The following NOTCH4 variants were observed in gnomAD, a reference collection of about 807,000 sequenced individuals.
NOTCH4 encodes the protein notch receptor 4, also known as neurogenic locus notch homolog protein 4.
NOTCH4 carries 138 observed loss-of-function variants against 189.0 expected under a neutral mutation model. The ratio of observed to expected loss-of-function variants is 0.73; its 90% confidence interval spans 0.64 to 0.84. NOTCH4 has a LOEUF of 0.84. Ranked by LOEUF, NOTCH4 falls within the 40% of genes least tolerant of loss-of-function variation. The probability of loss-of-function intolerance (pLI) is 0.00; values close to 1 mark genes in which losing one functional copy is unlikely to be tolerated. For missense variants in NOTCH4, 2,286 were observed against 2,605.4 expected (o/e 0.88, Z 2.67); for synonymous variants, 942 against 1,032.8 (o/e 0.91, Z 1.69).
chr6:32,222,276 G>A (rs1789826946), intron 3 of NOTCH4, among the ~76,000 whole-genome samples: 1 of 152,250 alleles, frequency 6.6e-6, no homozygotes, highest in African/African-American at 2.4e-5. Context: ...GGTGCACAAA[G>A]GGGGCTCATG....
rs2127482889 is a variant in NOTCH4, at chr6:32,217,027, G to A, written c.1779C>T (p.Cys593=). 6.2e-7 allele frequency: 1 copy of A among 1,613,076 alleles called. No homozygotes were observed. The highest frequency in any genetic ancestry group is 8.5e-7 in the Non-Finnish European group (1 of 1,180,028). The change falls in exon 11 of 30, where the codon TGC becomes TGT. Residue 593 remains cysteine (C), a synonymous_variant. Transcript: ENST00000375023. The surrounding 1 kb of genome is among the most constrained non-coding windows in gnomAD (Gnocchi z 4.2). ...CTCCAACGGGACATGGGTCACTCAG[G>A]CACTCATCCACCTCTGTTTGACAGC... ...GPRCQTEVDE[C]LSDPCPVGAS...
In NOTCH4 at chr6:32,217,413, A is replaced by C; in HGVS notation, c.1625-147T>G. The C allele has an allele frequency of 1.6e-6, 1 of 620,082 alleles. No individual in the cohort carries two copies. Among genetic ancestry groups the C allele is most frequent in the Non-Finnish European group, 2.9e-6 (1 of 347,728 alleles). 38.4% of individuals were successfully genotyped at this position (620,082 alleles called of 1,614,324 possible). A position where few individuals can be genotyped will look rare whatever the true frequency, so the allele number is the denominator to read the frequency against. On this transcript the variant is annotated intron_variant, in intron 9 of 29. Transcript: ENST00000375023. The surrounding 1 kb of genome is among the most constrained non-coding windows in gnomAD (Gnocchi z 4.2). The stretch of plus-strand genomic sequence containing the variant: ...GGTGAGCGTGGGGTGACAGGAGATG[A>C]TGCAGAAAAGGTGAAGCTCAGCCAC...
Position 32,219,796 on chromosome 6 carries a change from G to A in NOTCH4, c.1316-10C>T. ...CTTGGGCCTTGCTGGGCTGGGAGGAGAGAAGAGCTGGGAGTCCACAGGGGT... is the reference window on the plus strand; with the variant it reads ...CTTGGGCCTTGCTGGGCTGGGAGGAAAGAAGAGCTGGGAGTCCACAGGGGT... On this transcript the variant is annotated splice_polypyrimidine_tract_variant and intron_variant, in intron 7 of 29. Transcript: ENST00000375023. 6.2e-7 allele frequency: 1 copy of A among 1,608,976 alleles called. No individual in the cohort carries two copies. The highest frequency in any genetic ancestry group is 8.5e-7 in the Non-Finnish European group (1 of 1,177,788).
In NOTCH4 at chr6:32,196,393, G is replaced by C; in HGVS notation, c.5229C>G (p.Ala1743=). The C allele has an allele frequency of 1.2e-6, 2 of 1,613,134 alleles. No individual in the cohort carries two copies. The highest frequency in any genetic ancestry group is 8.5e-7 in the Non-Finnish European group (1 of 1,180,042). The change falls in exon 29 of 30, where the codon GCC becomes GCG. Residue 1743 remains alanine, a synonymous_variant. Coordinates refer to ENST00000375023, the MANE Select transcript of NOTCH4 (RefSeq NM_004557.4). ...AGCGGGCGGCTCGGGCGTTGTTCAC[G>C]GCAGCAGCCCAGTGCAGCGCAGTTT... is the stretch of plus-strand genomic sequence containing the variant. The part of the protein sequence containing the change: ...WGKTALHWAA[A]VNNARAARSL...
chr6:32,198,298 A>G lies in NOTCH4; in HGVS notation c.4756+123T>C. On this transcript the variant is annotated intron_variant, in intron 26 of 29. Coordinates refer to ENST00000375023, the MANE Select transcript of NOTCH4 (RefSeq NM_004557.4). The surrounding 1 kb of genome is among the most constrained non-coding windows in gnomAD (Gnocchi z 5.5). Reference sequence around the variant, plus strand: ...GCTGTCTGAGGACCACACTTTGAGAATCATTGTTCTAAGGCACTCAGTCTA... The same window carrying G: ...GCTGTCTGAGGACCACACTTTGAGAGTCATTGTTCTAAGGCACTCAGTCTA... The G allele has an allele frequency of 9.5e-7, 1 of 1,051,286 alleles. No homozygotes were observed. The allele number at this position is 1,051,286 out of a possible 1,614,324, so 65.1% of individuals were successfully genotyped here.
In NOTCH4 at chr6:32,199,231, C is replaced by T; in HGVS notation, c.4316-86G>A. 2 of 1,050,402 alleles carry T rather than the reference C, an allele frequency of 1.9e-6. No individual in the cohort carries two copies. Among genetic ancestry groups the T allele is most frequent in the Non-Finnish European group, 2.7e-6 (2 of 741,546 alleles). 65.1% of individuals were successfully genotyped at this position (1,050,402 alleles called of 1,614,324 possible). On this transcript the variant is annotated intron_variant, in intron 23 of 29. Coordinates refer to ENST00000375023, the MANE Select transcript of NOTCH4 (RefSeq NM_004557.4). This position sits in a 1 kb window ranked among gnomAD's most constrained non-coding sequence, Gnocchi z 4.9. ...GAGACCTTTGGACAAGTTTAGTAGC[C>T]GGTCTTTGCCTCGGTTTCCTTATCT... is the stretch of plus-strand genomic sequence containing the variant.
At position 32,221,780 on chromosome 6, in the gene NOTCH4, G is replaced by T. The variant is rs1347832872; in HGVS notation, c.452-455C>A. 6.6e-6 allele frequency among the ~76,000 whole-genome samples: 1 copy of T among 152,166 alleles called. No individual in the cohort carries two copies. Among genetic ancestry groups the T allele is most frequent in the Non-Finnish European group, 1.5e-5 (1 of 68,024 alleles). On this transcript the variant is annotated intron_variant, in intron 3 of 29. Transcript: ENST00000375023. The surrounding 1 kb of genome is among the most constrained non-coding windows in gnomAD (Gnocchi z 4.3). The stretch of plus-strand genomic sequence containing the variant: ...CAGTCCATGTGCACCAGTGGTAATG[G>T]CGGCAGCAGTGGAGGTGCCAGGTGC...
In NOTCH4 at chr6:32,201,657, TC is replaced by T; in HGVS notation, c.3756-158del. The T allele has an allele frequency of 1.7e-6, 1 of 585,592 alleles. No homozygotes were observed. Among genetic ancestry groups the T allele is most frequent in the Non-Finnish European group, 2.7e-6 (1 of 375,564 alleles). The allele number at this position is 585,592 out of a possible 1,614,324, so 36.3% of individuals were successfully genotyped here. A position where few individuals can be genotyped will look rare whatever the true frequency, so the allele number is the denominator to read the frequency against. On this transcript the variant is annotated intron_variant, in intron 21 of 29. Transcript: ENST00000375023. This position sits in a 1 kb window ranked among gnomAD's most constrained non-coding sequence, Gnocchi z 5.5. ...AGCTTAGTCAAGTCCTGGATGGTAG[TC>T]CAGACACCCCAATGTCTGCTAACAC...
At chr6:32,213,895 C>G in intron 13 of NOTCH4, 55 bp from the exon 14 acceptor site, 1 of 1,587,634 alleles carries the variant, frequency 6.3e-7, no homozygotes, top group Non-Finnish European at 8.6e-7. Flanking sequence ...TCCCTCCGCT[C>G]TCCTTCTCTT....
chr6:32,202,442 G>A lies in NOTCH4; in HGVS notation c.3389C>T (p.Ala1130Val), dbSNP rs750821289. 1.9e-6 allele frequency: 3 copies of A among 1,612,312 alleles called. No homozygotes were observed. The highest frequency in any genetic ancestry group is 2.5e-6 in the Non-Finnish European group (3 of 1,179,692). ...GGAGGGAGGGCCACAGCCTTTAGGA[G>A]CTGGTGGGGTCAGGCAGTCAGGACC... Reference protein sequence around the residue: ...YGGPDCLTPPAPKGCGPPSPC... With the variant: ...YGGPDCLTPPVPKGCGPPSPC... Residue 1130 changes from alanine to valine, a missense_variant, in exon 21 of 30, where the codon GCT becomes GTT. Physicochemically the swap from Ala to Val is moderately conservative, Grantham distance 64. This residue lies in a region of NOTCH4 where 1,903 missense variants were observed against 2,261.9 expected (regional missense o/e 0.84). Coordinates refer to ENST00000375023, the MANE Select transcript of NOTCH4 (RefSeq NM_004557.4). The surrounding 1 kb of genome is among the most constrained non-coding windows in gnomAD (Gnocchi z 5.7).
chr6:32,213,536 A>T, intron 14 of NOTCH4, 152 bp downstream of exon 14: 2 of 1,006,848 alleles, frequency 2.0e-6, no homozygotes, highest in Non-Finnish European at 3.0e-6. Context: ...GGCCTTAGCC[A>T]CTGTGTGCCC....
In NOTCH4 at chr6:32,220,979, T is replaced by G; in HGVS notation, c.798A>C (p.Pro266=). ...DSTFHLCLCP[P]GFIGPDCEVN... ...CGGAGAGCCCCTGTGAGGACACACC[T>G]GGGGGACAGAGGCAGAGGTGAAAGG... is the stretch of plus-strand genomic sequence containing the variant. Residue 266 remains proline (P), a splice_region_variant and synonymous_variant, in exon 4 of 30, where the codon CCA becomes CCC. Coordinates refer to ENST00000375023, the MANE Select transcript of NOTCH4 (RefSeq NM_004557.4). 2 of 1,600,206 alleles carry G rather than the reference T, an allele frequency of 1.2e-6. No individual in the cohort carries two copies. The highest frequency in any genetic ancestry group is 1.7e-6 in the Non-Finnish European group (2 of 1,171,824).
In NOTCH4 at chr6:32,215,377, A is replaced by C. The variant is rs1371828041; in HGVS notation, c.1870T>G (p.Cys624Gly). ...TTGGGAGCACACAGGGGAACCTCACAGAGCTGGCCTGGGGTGGGAAGATGG... is the reference window on the plus strand; with the variant it reads ...TTGGGAGCACACAGGGGAACCTCACCGAGCTGGCCTGGGGTGGGAAGATGG... ...LCPSGFTGQL[C>G]EVPLCAPNLC... The change falls in exon 12 of 30, where the codon TGT becomes GGT. Residue 624 changes from cysteine to glycine, a missense_variant. Physicochemically the swap from Cys to Gly is radical, Grantham distance 159. Transcript: ENST00000375023. 6.2e-7 allele frequency: 1 copy of C among 1,609,162 alleles called. No individual in the cohort carries two copies. Among genetic ancestry groups the C allele is most frequent in the Non-Finnish European group, 8.5e-7 (1 of 1,178,682 alleles).
intron 18 of NOTCH4, among the ~76,000 whole-genome samples, chr6:32,208,545 C>T (rs1788833370): frequency 6.6e-6 from 1 of 152,144 alleles, no homozygotes; most frequent in Non-Finnish European, 1.5e-5. Context: ...CCATCCTGGC[C>T]AACATGGTGA....
In NOTCH4 at chr6:32,222,990, G is replaced by A; in HGVS notation, c.155+15C>T. 6.2e-7 allele frequency: 1 copy of A among 1,604,512 alleles called. No homozygotes were observed. Among genetic ancestry groups the A allele is most frequent in the South Asian group, 1.1e-5 (1 of 90,820 alleles). ...CCTTTCTCTCCAGTCTCCCACTCCT[G>A]CAAGGCACACTCACTGGCAGGTCCC... On this transcript the variant is annotated intron_variant, in intron 2 of 29. Coordinates refer to ENST00000375023, the MANE Select transcript of NOTCH4 (RefSeq NM_004557.4).
intron 14 of NOTCH4, 75 bp from the exon 15 acceptor site, chr6:32,213,327 A>C: frequency 2.2e-6 from 2 of 920,008 alleles, no homozygotes; most frequent in Non-Finnish European, 3.5e-6. Flanking sequence ...CACTGTACAT[A>C]GGACATACAC....
Position 32,216,982 on chromosome 6 carries a change from T to G in NOTCH4, c.1824A>C (p.Pro608=), listed in dbSNP as rs892005432. The change falls in exon 11 of 30, where the codon CCA becomes CCC. Residue 608 remains proline (P), a synonymous_variant. Coordinates refer to ENST00000375023, the MANE Select transcript of NOTCH4 (RefSeq NM_004557.4). ...AGGGGCAGAGGCAAAAGAAGGCTCC[T>G]GGAAGATCAAGGCAGCTGGCTCCAA... ...CPVGASCLDL[P]GAFFCLCPSG... 1 of 1,613,116 alleles carries G rather than the reference T, an allele frequency of 6.2e-7. No individual in the cohort carries two copies. The highest frequency in any genetic ancestry group is 8.5e-7 in the Non-Finnish European group (1 of 1,180,032).
At chr6:32,223,833 A>G in intron 1 of NOTCH4, 23 bp downstream of exon 1, 1 of 1,599,136 alleles carries the variant, frequency 6.3e-7, no homozygotes, top group Non-Finnish European at 8.5e-7. Flanking sequence ...GGGTCCCCTC[A>G]CCTCACCCAC....
intron 1 of NOTCH4, among the ~76,000 whole-genome samples, chr6:32,223,310 C>T: frequency 6.6e-6 from 1 of 152,132 alleles, no homozygotes; most frequent in East Asian, 1.9e-4. Context: ...ATTCTCTGGC[C>T]TCCCAAGTCC....
Sources: allele counts gnomAD v4.1 joint callset (sites outside exome capture counted in the v4.1 genomes callset), GRCh38; gene constraint gnomAD v4.1.1; regional missense constraint gnomAD v4.1.1; non-coding constraint Gnocchi (gnomAD v3.1); transcripts MANE v1.5; gene names NCBI Gene and HGNC (gene_info 2026-07-23, HGNC 2026-07-21).